The following RABGEF1 variants were observed in gnomAD, a reference collection of about 807,000 sequenced individuals.
The protein encoded by RABGEF1 is rab5 GDP/GTP exchange factor.
Under a neutral mutation model 57.3 loss-of-function variants are expected in RABGEF1, and 26 were observed. The observed-to-expected ratio is 0.45, with a 90% CI of 0.33 to 0.63. The LOEUF is 0.63. Among genes scored for constraint, RABGEF1 ranks in the 20% least tolerant of loss-of-function variants. RABGEF1 has a pLI of 0.02. For missense variants in RABGEF1, 464 were observed against 607.6 expected (o/e 0.76, Z 2.48); for synonymous variants, 185 against 210.7 (o/e 0.88, Z 1.06).
chr7:66,673,997 A>C, the RABGEF1 span, among the ~76,000 whole-genome samples: 4 of 152,244 alleles, frequency 2.6e-5, no homozygotes, highest in Non-Finnish European at 5.9e-5. Flanking sequence ...TATTATGGTT[A>C]GGCATTTTAC....
intron 3 of RABGEF1, among the ~76,000 whole-genome samples, chr7:66,779,570 G>T (rs891079840): frequency 6.6e-5 from 10 of 151,756 alleles, no homozygotes; most frequent in African/African-American, 2.4e-4. Context: ...TACTTGGGAG[G>T]CTGAGATGGG....
chr7:66,809,963 C>G lies in RABGEF1; in HGVS notation c.*679C>G, dbSNP rs1048993410. ...TATATAGTCAGAGACTATGACACCA[C>G]TAAGGTTCAGAATAAAGTTTAGGCC... On this transcript the variant is annotated 3_prime_UTR_variant, in exon 9 of 9. Coordinates refer to ENST00000284957, the MANE Select transcript of RABGEF1 (RefSeq NM_014504.3). 4.6e-5 allele frequency: 7 copies of G among 152,576 alleles called. No homozygotes were observed. Among genetic ancestry groups the G allele is most frequent in the African/African-American group, 1.7e-4 (7 of 41,460 alleles). 9.5% of individuals were successfully genotyped at this position (152,576 alleles called of 1,614,324 possible). A position where few individuals can be genotyped will look rare whatever the true frequency, so the allele number is the denominator to read the frequency against.
chr7:66,680,327 A>T (rs1015728157), upstream of RABGEF1, among the ~76,000 whole-genome samples: 2 of 151,890 alleles, frequency 1.3e-5, no homozygotes, highest in Non-Finnish European at 2.9e-5. Context: ...GCTCACTGCA[A>T]CCTGTTTCCT....
chr7:66,715,102 C>G (rs1795227464), intron 2 of RABGEF1, among the ~76,000 whole-genome samples: 1 of 151,774 alleles, frequency 6.6e-6, no homozygotes, highest in South Asian at 2.1e-4. Flanking sequence ...CTCCTCTCCT[C>G]CTCCTCCAAC....
chr7:66,654,588 G>T, the RABGEF1 span: 1 of 152,618 alleles, frequency 6.6e-6, no homozygotes, highest in Non-Finnish European at 1.5e-5. Flanking sequence ...AGCCACGCGG[G>T]CGAGCGGCTG....
intron 3 of RABGEF1, among the ~76,000 whole-genome samples, chr7:66,776,265 C>G (rs541155181): frequency 2.0e-5 from 3 of 152,092 alleles, no homozygotes; most frequent in African/African-American, 7.2e-5. Flanking sequence ...CCCTGAAGGC[C>G]GGGGAATGAA....
intron 3 of RABGEF1, among the ~76,000 whole-genome samples, chr7:66,782,866 T>A (rs1462666998): frequency 6.6e-6 from 1 of 152,214 alleles, no homozygotes; most frequent in Admixed American, 6.5e-5. Flanking sequence ...TTAATTTCCT[T>A]ATAAACATTA....
the RABGEF1 span, among the ~76,000 whole-genome samples, chr7:66,668,405 C>T: frequency 6.6e-5 from 10 of 152,320 alleles, no homozygotes; most frequent in African/African-American, 2.4e-4. Flanking sequence ...CCCCACTATC[C>T]TATTTTAGAC....
intron 1 of RABGEF1, among the ~76,000 whole-genome samples, chr7:66,758,842 A>T (rs1198680965): frequency 6.6e-6 from 1 of 152,190 alleles, no homozygotes; most frequent in Non-Finnish European, 1.5e-5. Flanking sequence ...TAGTCCCATG[A>T]TAGGTGTTAT....
At chr7:66,655,084 A>T in the RABGEF1 span, among the ~76,000 whole-genome samples, 3 of 152,270 alleles carry the variant, frequency 2.0e-5, no homozygotes, top group Non-Finnish European at 4.4e-5. Context: ...GACCCAGACC[A>T]CAGCTCTTGG....
At chr7:66,726,563 T>C (rs1796604568) in intron 2 of RABGEF1, among the ~76,000 whole-genome samples, 1 of 152,026 alleles carries the variant, frequency 6.6e-6, no homozygotes, top group African/African-American at 2.4e-5. Context: ...GGGGTCTTGC[T>C]ATGTTGCCCA....
chr7:66,690,100 CTTT>C (rs892888858), intron 1 of RABGEF1, among the ~76,000 whole-genome samples: 3 of 124,204 alleles, frequency 2.4e-5, no homozygotes, highest in Non-Finnish European at 3.4e-5. Context: ...ATAAAAAATT[CTTT>C]TTTTTTTTTT....
the RABGEF1 span, chr7:66,665,344 A>G: frequency 1.3e-5 from 2 of 148,294 alleles, no homozygotes; most frequent in Admixed American, 6.8e-5. Flanking sequence ...GGGTCTCCCT[A>G]TGTTGCCCAA....
the RABGEF1 span, chr7:66,667,609 C>T: frequency 6.6e-6 from 1 of 152,264 alleles, no homozygotes; most frequent in Non-Finnish European, 1.5e-5. Flanking sequence ...GTTTTACTTT[C>T]TGTAAGTGAC....
At chr7:66,756,234 A>AT (rs968939247) in intron 1 of RABGEF1, among the ~76,000 whole-genome samples, 70 of 152,196 alleles carry the variant, frequency 4.6e-4, no homozygotes, top group Non-Finnish European at 7.2e-4. Context: ...ACGTTAAATG[A>AT]TTTTTTTTGT....
chr7:66,709,979 G>A (rs1239314120), intron 1 of RABGEF1, among the ~76,000 whole-genome samples: 15 of 152,098 alleles, frequency 9.9e-5, no homozygotes, highest in Non-Finnish European at 1.5e-4. Context: ...TTGTTTAGTG[G>A]AGAAAATATT....
intron 1 of RABGEF1, among the ~76,000 whole-genome samples, chr7:66,688,360 G>A (rs2117093311): frequency 6.6e-6 from 1 of 152,252 alleles, no homozygotes; most frequent in Non-Finnish European, 1.5e-5. Context: ...ATAACAATCA[G>A]AGACCAGATC....
At chr7:66,808,059 A>C (rs1397105236) in intron 8 of RABGEF1, 1 of 152,128 alleles carries the variant, frequency 6.6e-6, no homozygotes, top group Admixed American at 6.6e-5. Context: ...GTGACATGTT[A>C]TGTTGTTTAA....
chr7:66,685,790 C>G (rs534203815), intron 1 of RABGEF1, among the ~76,000 whole-genome samples: 1 of 152,218 alleles, frequency 6.6e-6, no homozygotes, highest in Non-Finnish European at 1.5e-5. Context: ...ATGTCAGTCT[C>G]TGGCTAGAGA....
Sources: allele counts gnomAD v4.1 joint callset (sites outside exome capture counted in the v4.1 genomes callset), GRCh38; gene constraint gnomAD v4.1.1; transcripts MANE v1.5; gene names NCBI Gene and HGNC (gene_info 2026-07-23, HGNC 2026-07-21).